CHD1L: variants seen among roughly 807,000 people sequenced by gnomAD.
The protein encoded by CHD1L is chromodomain helicase DNA binding protein 1 like.
In CHD1L, 118 loss-of-function variants were observed where a neutral mutation model predicts 115.9. That is an observed-to-expected ratio of 1.02 (90% confidence interval 0.88 to 1.19). The LOEUF is 1.19. Among genes scored for constraint, CHD1L ranks in the 50% most tolerant of loss-of-function variants. CHD1L has a pLI of 0.00. For synonymous variants in CHD1L, 411 were observed against 387.1 expected, an observed-to-expected ratio of 1.06 and a Z score of -0.72; for missense variants, 1,179 against 1,065.3, an observed-to-expected ratio of 1.11 and a Z score of -1.49.
chr1:147,245,884 C>G (rs113561809), intron 1 of CHD1L, among the ~76,000 whole-genome samples: 1 of 151,998 alleles, frequency 6.6e-6, no homozygotes, highest in African/African-American at 2.4e-5. Flanking sequence ...CCCAGTTTCC[C>G]CTCGTGGTCA....
At chr1:147,178,862 A>G in the CHD1L span, 1 of 1,581,434 alleles carries the variant, frequency 6.3e-7, no homozygotes, top group Non-Finnish European at 8.7e-7. Context: ...ATGACAGAAG[A>G]CAATAAAGAT....
At position 147,272,297 on chromosome 1, in the gene CHD1L, A is replaced by G. The variant is rs1333536849; in HGVS notation, c.1270+16A>G. 4.5e-6 allele frequency: 7 copies of G among 1,541,254 alleles called. No individual in the cohort carries two copies. Among genetic ancestry groups the G allele is most frequent in the Non-Finnish European group, 6.3e-6 (7 of 1,113,684 alleles). On this transcript the variant is annotated intron_variant, in intron 12 of 22. Coordinates refer to ENST00000369258, the MANE Select transcript of CHD1L (RefSeq NM_004284.6). ...ACTAGGGCAGGTAGGCTGCAAAGGC[A>G]TTGATGGAAACAGACAAATGAGGGA...
At chr1:147,187,027 T>C in the CHD1L span, 4 of 1,614,024 alleles carry the variant, frequency 2.5e-6, no homozygotes, top group South Asian at 3.3e-5. Flanking sequence ...GATGCGATCA[T>C]CTGTGGTGAG....
At chr1:147,242,155 T>A (rs1172342579), upstream of CHD1L, among the ~76,000 whole-genome samples, 2 of 152,114 alleles carry the variant, frequency 1.3e-5, no homozygotes, top group Non-Finnish European at 2.9e-5. Context: ...CACAATGACG[T>A]CTTTGGTGAT....
At chr1:147,240,725 T>C (rs1553930572), upstream of CHD1L, among the ~76,000 whole-genome samples, 2 of 152,310 alleles carry the variant, frequency 1.3e-5, no homozygotes, top group East Asian at 1.9e-4. Context: ...CTTTAAGGCA[T>C]TGAGATGTTT....
chr1:147,250,758 TC>T (rs2102334444), intron 1 of CHD1L, among the ~76,000 whole-genome samples: 1 of 151,544 alleles, frequency 6.6e-6, no homozygotes, highest in Admixed American at 6.6e-5. Context: ...TATAAAAGTT[TC>T]CTGTCTTGCT....
At chr1:147,222,764 G>A in the CHD1L span, among the ~76,000 whole-genome samples, 3 of 152,302 alleles carry the variant, frequency 2.0e-5, no homozygotes, top group South Asian at 2.1e-4. Flanking sequence ...AAACCTCCAC[G>A]TTAAGTCTTT....
the CHD1L span, chr1:147,178,075 CCG>C: frequency 2.4e-6 from 3 of 1,258,114 alleles, no homozygotes; most frequent in Admixed American, 2.3e-5. Flanking sequence ...CCCAGTCGAG[CCG>C]CGACCCTTCC....
the CHD1L span, chr1:147,209,483 AG>A: frequency 6.5e-6 from 1 of 153,392 alleles, no homozygotes; most frequent in Non-Finnish European, 1.4e-5. Flanking sequence ...CTGGCTTTTT[AG>A]CCCCTGCACA....
chr1:147,173,671 C>T, the CHD1L span: 2 of 152,148 alleles, frequency 1.3e-5, no homozygotes, highest in Admixed American at 1.3e-4. Context: ...TGCATGTCTC[C>T]TTCTAGAAAC....
chr1:147,245,161 C>T (rs868923188), intron 1 of CHD1L, among the ~76,000 whole-genome samples: 1 of 152,186 alleles, frequency 6.6e-6, no homozygotes. Flanking sequence ...GCAAAAGAAT[C>T]TACATCTGGA....
intron 16 of CHD1L, 135 bp downstream of exon 16, chr1:147,284,634 A>G (rs782105581): frequency 1.3e-5 from 10 of 788,968 alleles, no homozygotes; most frequent in Admixed American, 3.5e-5. Flanking sequence ...CTGAAATGTT[A>G]TTATAATTAA....
chr1:147,174,999 T>C, the CHD1L span: 1 of 152,138 alleles, frequency 6.6e-6, no homozygotes, highest in African/African-American at 2.4e-5. Flanking sequence ...TCGCTTCCTC[T>C]GAGAAGTGAG....
At chr1:147,215,916 A>T in the CHD1L span, 1 of 1,609,682 alleles carries the variant, frequency 6.2e-7, no homozygotes. Flanking sequence ...ATTTGTAAAT[A>T]CTGGCCCTTC....
At chr1:147,282,076 T>C (rs1645395329) in intron 15 of CHD1L, among the ~76,000 whole-genome samples, 1 of 152,192 alleles carries the variant, frequency 6.6e-6, no homozygotes, top group Admixed American at 6.5e-5. Flanking sequence ...TCATCGATAG[T>C]TTCCCCAACC....
At chr1:147,179,548 A>C in the CHD1L span, 1 of 1,586,086 alleles carries the variant, frequency 6.3e-7, no homozygotes, top group Non-Finnish European at 8.7e-7. Flanking sequence ...TTTATTAGCT[A>C]TCTACAACGA....
Position 147,242,722 on chromosome 1 carries a change from A to T in CHD1L, c.19A>T (p.Thr7Ser), listed in dbSNP as rs1447633273. Residue 7 changes from threonine to serine, a missense_variant, in exon 1 of 23, where the codon ACT (threonine) becomes TCT (serine). Transcript: ENST00000369258. MERAGA[T>S]SRGGQAPGFL... ...CGGCCCGATGGAGCGCGCGGGCGCT[A>T]CTAGCCGCGGGGGCCAAGCCCCTGG... 2.4e-6 allele frequency: 3 copies of T among 1,257,932 alleles called. No homozygotes were observed. Among genetic ancestry groups the T allele is most frequent in the African/African-American group, 3.1e-5 (2 of 65,134 alleles). The allele number at this position is 1,257,932 out of a possible 1,614,324, so 77.9% of individuals were successfully genotyped here.
intron 12 of CHD1L, among the ~76,000 whole-genome samples, chr1:147,274,428 A>G (rs143098761): frequency 1.6e-4 from 25 of 152,208 alleles, no homozygotes; most frequent in Non-Finnish European, 5.9e-5. Context: ...TTCCTGCCTG[A>G]TTTGTCTGGA....
chr1:147,250,750 T>C (rs1379146646), intron 1 of CHD1L, among the ~76,000 whole-genome samples: 1 of 151,256 alleles, frequency 6.6e-6, no homozygotes, highest in Non-Finnish European at 1.5e-5. Context: ...AGTTATTATA[T>C]AAAAGTTTCC....
Sources: allele counts gnomAD v4.1 joint callset (sites outside exome capture counted in the v4.1 genomes callset), GRCh38; gene constraint gnomAD v4.1.1; transcripts MANE v1.5; gene names NCBI Gene and HGNC (gene_info 2026-07-23, HGNC 2026-07-21).